The following DIDO1 variants were observed in gnomAD, a reference collection of about 807,000 sequenced individuals.
DIDO1 encodes the protein death inducer-obliterator 1, also known as death-inducer obliterator 1.
In DIDO1, 16 loss-of-function variants were observed where a neutral mutation model predicts 99.4. The ratio of observed to expected loss-of-function variants is 0.16; its 90% CI spans 0.11 to 0.24. The LOEUF (loss-of-function observed/expected upper bound fraction) is 0.24. Ranked by LOEUF, DIDO1 falls within the 10% of genes least tolerant of loss-of-function variation. DIDO1 has a pLI of 1.00. For missense variants in DIDO1, 2,996 were observed against 3,014.0 expected, an observed-to-expected ratio of 0.99 and a Z score of 0.14; for synonymous variants, 1,366 against 1,239.1, an observed-to-expected ratio of 1.10 and a Z score of -2.15.
chr20:62,882,475 G>A, intron 15 of DIDO1, 61 bp from the exon 16 acceptor site: 1 of 1,492,050 alleles, frequency 6.7e-7, no homozygotes, highest in Non-Finnish European at 9.1e-7. Context: ...CCCTTTAGAG[G>A]TGAATTTCAT....
At chr20:62,937,659 C>G (rs1334081319) in intron 1 of DIDO1, 2 of 395,082 alleles carry the variant, frequency 5.1e-6, no homozygotes, top group African/African-American at 2.1e-5. Context: ...CCCTGGACCT[C>G]AGGGACACTA....
Position 62,914,340 on chromosome 20 carries a change from A to G in DIDO1, c.-133T>C, listed in dbSNP as rs1035289191. On this transcript the variant is annotated 5_prime_UTR_variant, in exon 2 of 16. Coordinates refer to ENST00000395343, the MANE Select transcript of DIDO1 (RefSeq NM_001193369.2). ...ACAACACTGTTGTCAGCCACTGTTCACGAGTAACAGGCTTCGTATTTTCAA... is the reference window on the plus strand; with the variant it reads ...ACAACACTGTTGTCAGCCACTGTTCGCGAGTAACAGGCTTCGTATTTTCAA... 1.3e-5 allele frequency: 2 copies of G among 152,262 alleles called. No individual in the cohort carries two copies. Among genetic ancestry groups the G allele is most frequent in the African/African-American group, 2.4e-5 (1 of 41,470 alleles). 9.4% of individuals were successfully genotyped at this position (152,262 alleles called of 1,614,324 possible).
chr20:62,888,594 G>C, intron 15 of DIDO1: 19 of 985,532 alleles, frequency 1.9e-5, no homozygotes, highest in Non-Finnish European at 2.3e-5. Context: ...AGGGCTTCTG[G>C]GCTATCTCCG....
chr20:62,889,875 T>G (rs2064363123), intron 15 of DIDO1: 1 of 985,262 alleles, frequency 1.0e-6, no homozygotes, highest in Middle Eastern at 5.2e-4. Flanking sequence ...TACCAACCAA[T>G]CCCTTTATGG....
rs75188807 is a variant in DIDO1 at position 62,914,645 on chromosome 20, G to C, written c.-199-239C>G. Among the ~76,000 whole-genome samples the C allele has an allele frequency of 6.3e-3, 952 of 152,210 alleles. 7 individuals carry two copies. The highest frequency in any genetic ancestry group is 0.01 in the Non-Finnish European group (688 of 68,000). On this transcript the variant is annotated intron_variant, in intron 1 of 15. Coordinates refer to ENST00000395343, the MANE Select transcript of DIDO1 (RefSeq NM_001193369.2). ...GGCCGGGGCAGCGCAGGAAGGAGTGGAGTCCCAGGCTTGCCCCAGGGAGGC... is the reference window on the plus strand; with the variant it reads ...GGCCGGGGCAGCGCAGGAAGGAGTGCAGTCCCAGGCTTGCCCCAGGGAGGC...
chr20:62,911,001 C>G lies in DIDO1; in HGVS notation c.612G>C (p.Glu204Asp), dbSNP rs1449728162. Residue 204 changes from glutamate (E) to aspartate (D), a missense_variant, in exon 3 of 16, where the codon GAG becomes GAC. Transcript: ENST00000395343. The surrounding 1 kb of genome is among the most constrained non-coding windows in gnomAD (Gnocchi z 7.0). Reference protein sequence around the residue: ...EEGPAETVGSEASDTVEGVLP... With the variant: ...EEGPAETVGSDASDTVEGVLP... ...GGACGCCCTCCACAGTGTCACTGGC[C>G]TCGGAGCCCACAGTCTCGGCGGGAC... 2 of 1,614,108 alleles carry G rather than the reference C, an allele frequency of 1.2e-6. No homozygotes were observed. Among genetic ancestry groups the G allele is most frequent in the East Asian group, 4.5e-5 (2 of 44,862 alleles).
Position 62,893,753 on chromosome 20 carries a change from G to C in DIDO1, c.3014C>G (p.Ser1005Cys). 1 of 1,614,256 alleles carries C rather than the reference G, an allele frequency of 6.2e-7. No homozygotes were observed. Among genetic ancestry groups the C allele is most frequent in the Non-Finnish European group, 8.5e-7 (1 of 1,180,044 alleles). The change falls in exon 12 of 16, where the codon TCT becomes TGT. Residue 1005 changes from serine to cysteine, a missense_variant. Ser to Cys is a moderately radical substitution (Grantham distance 112, BLOSUM62 -1). This residue lies in a region of DIDO1 where 898 missense variants were observed against 972.7 expected (regional missense o/e 0.92). Transcript: ENST00000395343. ...TAGTATGGACTTGGGCACCATCACA[G>C]AAGTCAAGACAGGCTTCGGCACATC... ...RQDVPKPVLTSVMVPKSILAK... is the reference protein window; with the variant it reads ...RQDVPKPVLTCVMVPKSILAK...
rs1212150502 is a variant in DIDO1, at chr20:62,880,013, T to G, written c.5943A>C (p.Gln1981His). 6.2e-7 allele frequency: 1 copy of G among 1,611,692 alleles called. No individual in the cohort carries two copies. Among genetic ancestry groups the G allele is most frequent in the East Asian group, 2.2e-5 (1 of 44,874 alleles). ...RVHSPPRFTNQRAPAPLQFGG... is the reference protein window; with the variant it reads ...RVHSPPRFTNHRAPAPLQFGG... Reference sequence around the variant, plus strand: ...CAAACTGCAGGGGTGCAGGCGCCCTTTGGTTTGTGAATCTTGGTGGTGAAT... The same window carrying G: ...CAAACTGCAGGGGTGCAGGCGCCCTGTGGTTTGTGAATCTTGGTGGTGAAT... Residue 1981 changes from glutamine to histidine, a missense_variant, in exon 16 of 16, where the codon CAA becomes CAC. Gln to His is a conservative substitution (Grantham distance 24). Coordinates refer to ENST00000395343, the MANE Select transcript of DIDO1 (RefSeq NM_001193369.2).
chr20:62,906,020 G>A lies in DIDO1; in HGVS notation c.1455C>T (p.Val485=). The A allele has an allele frequency of 1.9e-6, 3 of 1,613,944 alleles. No individual in the cohort carries two copies. The highest frequency in any genetic ancestry group is 1.7e-6 in the Non-Finnish European group (2 of 1,180,028). The part of the protein sequence containing the change: ...KETTVKKAVV[V]PARSEALGKE... ...TCCCGAGTGCTTCACTCCGCGCAGG[G>A]ACCACCACTGCCTTCTTCACTGTGG... The change falls in exon 6 of 16, where the codon GTC becomes GTT. Residue 485 remains valine, a synonymous_variant. Coordinates refer to ENST00000395343, the MANE Select transcript of DIDO1 (RefSeq NM_001193369.2).
chr20:62,899,924 G>T (rs1182824690), intron 6 of DIDO1, among the ~76,000 whole-genome samples: 1 of 152,238 alleles, frequency 6.6e-6, no homozygotes, highest in African/African-American at 2.4e-5. Context: ...AGCTGCTGCT[G>T]AAATGGGGAC....
chr20:62,917,785 G>A (rs1484695156), intron 1 of DIDO1, among the ~76,000 whole-genome samples: 4 of 152,246 alleles, frequency 2.6e-5, no homozygotes, highest in Admixed American at 2.6e-4. Context: ...CGGTGCCCAT[G>A]CACGGTGCTG....
At chr20:62,901,539 C>A (rs1481983405) in intron 6 of DIDO1, among the ~76,000 whole-genome samples, 1 of 142,010 alleles carries the variant, frequency 7.0e-6, no homozygotes, top group Non-Finnish European at 1.5e-5. Flanking sequence ...ATGTTAGGGG[C>A]ATGTTAAAAT....
intron 15 of DIDO1, among the ~76,000 whole-genome samples, chr20:62,886,275 G>C (rs988691791): frequency 3.3e-5 from 5 of 152,242 alleles, no homozygotes; most frequent in African/African-American, 1.2e-4. Context: ...TGGAACAAGG[G>C]TGTGGATGTT....
chr20:62,881,227 G>T lies in DIDO1; in HGVS notation c.4729C>A (p.Pro1577Thr), dbSNP rs779657809. The T allele has an allele frequency of 5.6e-6, 9 of 1,603,448 alleles. No individual in the cohort carries two copies. In the African/African-American group the frequency reaches 1.2e-4, roughly 21 times the overall value. ...CCACGTGCCGAGAGCCTGGAGAGAG[G>T]CTCCCCCTCCCCCTCACCGGTCTCA... ...ATETGEGEGE[P>T]LSRLSARGAQ... The change falls in exon 16 of 16, where the codon CCT (proline) becomes ACT (threonine). Residue 1577 changes from proline to threonine, a missense_variant. This residue lies in a region of DIDO1 where 1,562 missense variants were observed against 1,412.6 expected (regional missense o/e 1.11). Coordinates refer to ENST00000395343, the MANE Select transcript of DIDO1 (RefSeq NM_001193369.2). This position sits in a 1 kb window ranked among gnomAD's most constrained non-coding sequence, Gnocchi z 8.3.
intron 15 of DIDO1, chr20:62,889,664 C>T: frequency 1.0e-6 from 1 of 985,408 alleles, no homozygotes; most frequent in Non-Finnish European, 1.2e-6. Flanking sequence ...TCTCCCTGGT[C>T]ACGTGGAGCT....
intron 4 of DIDO1, among the ~76,000 whole-genome samples, chr20:62,907,837 T>C (rs1195679931): frequency 1.3e-5 from 2 of 152,372 alleles, no homozygotes; most frequent in African/African-American, 4.8e-5. Context: ...TGAAGTAAGC[T>C]TCCCTGCTTT....
At position 62,896,053 on chromosome 20, in the gene DIDO1, G is replaced by C. The variant is rs943085777; in HGVS notation, c.2214+180C>G. On this transcript the variant is annotated intron_variant, in intron 8 of 15. Coordinates refer to ENST00000395343, the MANE Select transcript of DIDO1 (RefSeq NM_001193369.2). This position sits in a 1 kb window ranked among gnomAD's most constrained non-coding sequence, Gnocchi z 4.4. ...CCCTAGTTAAGGCAGGGAAGGGAAG[G>C]GGTTTCCAGGACGCTCAACGCCAGT... is the stretch of plus-strand genomic sequence containing the variant. Among the ~76,000 whole-genome samples, 1 of 152,176 alleles carries C rather than the reference G, an allele frequency of 6.6e-6. No homozygotes were observed. The highest frequency in any genetic ancestry group is 2.4e-5 in the African/African-American group (1 of 41,448).
Position 62,911,998 on chromosome 20 carries a change from G to C in DIDO1, c.-2-384C>G, listed in dbSNP as rs6011469. ...GACGCGAGCAGCTCGGAGGTGGCAC[G>C]AGCTCCCCAGCACCTCCGCAGGCAG... is the stretch of plus-strand genomic sequence containing the variant. On this transcript the variant is annotated intron_variant, in intron 2 of 15. Coordinates refer to ENST00000395343, the MANE Select transcript of DIDO1 (RefSeq NM_001193369.2). The surrounding 1 kb of genome is among the most constrained non-coding windows in gnomAD (Gnocchi z 7.0). Among the ~76,000 whole-genome samples the C allele has an allele frequency of 0.037, 5,591 of 152,240 alleles. 343 individuals carry two copies. Among genetic ancestry groups the C allele is most frequent in the African/African-American group, 0.13 (5,272 of 41,510 alleles).
chr20:62,897,973 G>T (rs1007458297), intron 6 of DIDO1, among the ~76,000 whole-genome samples: 6 of 152,208 alleles, frequency 3.9e-5, no homozygotes, highest in African/African-American at 1.4e-4. Context: ...ACAGGCAAGT[G>T]CCTGGGAGCT....
Sources: allele counts gnomAD v4.1 joint callset (sites outside exome capture counted in the v4.1 genomes callset), GRCh38; gene constraint gnomAD v4.1.1; regional missense constraint gnomAD v4.1.1; non-coding constraint Gnocchi (gnomAD v3.1); transcripts MANE v1.5; gene names NCBI Gene and HGNC (gene_info 2026-07-23, HGNC 2026-07-21).